The following ATP10A variants were observed in gnomAD, a reference collection of about 807,000 sequenced individuals.
ATP10A encodes phospholipid-transporting ATPase VA.
Under a neutral mutation model 147.8 loss-of-function variants are expected in ATP10A, and 111 were observed. The observed-to-expected ratio is 0.75, with a 90% CI of 0.64 to 0.88. The LOEUF is 0.88. Ranked by LOEUF, ATP10A falls within the 40% of genes least tolerant of loss-of-function variation. ATP10A has a pLI of 0.00. For missense variants in ATP10A, 1,927 were observed against 1,959.0 expected (o/e 0.98, Z 0.31); for synonymous variants, 875 against 841.6 (o/e 1.04, Z -0.69).
intron 3 of ATP10A, among the ~76,000 whole-genome samples, chr15:25,733,875 G>T (rs552120192): frequency 6.6e-6 from 1 of 152,238 alleles, no homozygotes; most frequent in Non-Finnish European, 1.5e-5. Flanking sequence ...GCAACATGCC[G>T]GTGAGGACAC....
At chr15:25,861,940 A>C (rs1255078451) in intron 1 of ATP10A, 2 of 242,506 alleles carry the variant, frequency 8.2e-6, no homozygotes, top group Non-Finnish European at 1.7e-5. Flanking sequence ...GGGAGGGAAA[A>C]AGAGCAGGAG....
Position 25,854,157 on chromosome 15 carries a change from G to T in ATP10A, c.449+8491C>A, listed in dbSNP as rs554787950. Among the ~76,000 whole-genome samples, 10 of 152,292 alleles carry T rather than the reference G, an allele frequency of 6.6e-5. No individual in the cohort carries two copies. In the South Asian group the frequency reaches 2.1e-3, roughly 32 times the overall value. ...TGGGCCAGCCAAAATAGATGAGCCT[G>T]GAACAGCCCATGTAGTCAGAGAGTA... is the stretch of plus-strand genomic sequence containing the variant. On this transcript the variant is annotated intron_variant, in intron 1 of 20. Coordinates refer to ENST00000555815, the MANE Select transcript of ATP10A (RefSeq NM_024490.4).
intron 1 of ATP10A, among the ~76,000 whole-genome samples, chr15:25,829,526 A>G (rs947102764): frequency 2.6e-5 from 4 of 152,214 alleles, no homozygotes; most frequent in Non-Finnish European, 5.9e-5. Flanking sequence ...CTTGCTCCCA[A>G]GAGTTAACAT....
At chr15:25,843,838 C>T (rs962492456) in intron 1 of ATP10A, among the ~76,000 whole-genome samples, 6 of 152,148 alleles carry the variant, frequency 3.9e-5, no homozygotes, top group East Asian at 1.9e-4. Flanking sequence ...ATGCACTTTC[C>T]GGTTAACACA....
intron 2 of ATP10A, among the ~76,000 whole-genome samples, chr15:25,742,509 C>T (rs1490237665): frequency 1.3e-5 from 2 of 152,354 alleles, no homozygotes; most frequent in East Asian, 3.9e-4. Context: ...TGTCCCCTTG[C>T]CTCCTGACTG....
intron 1 of ATP10A, among the ~76,000 whole-genome samples, chr15:25,788,258 T>A (rs2140734771): frequency 6.6e-6 from 1 of 152,322 alleles, no homozygotes; most frequent in Non-Finnish European, 1.5e-5. Flanking sequence ...ACTACTTTCA[T>A]TTAGGGTCAC....
intron 6 of ATP10A, among the ~76,000 whole-genome samples, chr15:25,722,766 G>A (rs1344062759): frequency 6.6e-6 from 1 of 152,186 alleles, no homozygotes; most frequent in Non-Finnish European, 1.5e-5. Flanking sequence ...GGCAAAGGCT[G>A]AGCCAATGTC....
chr15:25,710,332 T>G (rs1201341615), intron 10 of ATP10A: 1 of 152,460 alleles, frequency 6.6e-6, no homozygotes, highest in African/African-American at 2.4e-5. Flanking sequence ...TGCAGGACGC[T>G]GAGGCTGCAT....
At chr15:25,837,135 T>C (rs1229267504) in intron 1 of ATP10A, among the ~76,000 whole-genome samples, 4 of 152,164 alleles carry the variant, frequency 2.6e-5, no homozygotes, top group Non-Finnish European at 4.4e-5. Context: ...ATTTCCGGTA[T>C]ATAATACAAG....
chr15:25,740,401 G>A (rs1045950886), intron 2 of ATP10A, among the ~76,000 whole-genome samples: 2 of 152,208 alleles, frequency 1.3e-5, no homozygotes, highest in Admixed American at 1.3e-4. Flanking sequence ...CTGTGAGTGA[G>A]GCCACCTGTC....
intron 1 of ATP10A, among the ~76,000 whole-genome samples, chr15:25,840,241 A>T (rs1270440120): frequency 1.3e-5 from 2 of 152,140 alleles, no homozygotes; most frequent in Non-Finnish European, 2.9e-5. Flanking sequence ...AAGGTTTGTT[A>T]CATTGGTAAA....
chr15:25,802,765 A>G (rs1890997598), intron 1 of ATP10A, among the ~76,000 whole-genome samples: 1 of 152,124 alleles, frequency 6.6e-6, no homozygotes, highest in African/African-American at 2.4e-5. Context: ...TTCCACCTTA[A>G]GGACCTTGTG....
At chr15:25,834,940 C>T (rs957553027) in intron 1 of ATP10A, among the ~76,000 whole-genome samples, 29 of 152,214 alleles carry the variant, frequency 1.9e-4, no homozygotes, top group African/African-American at 6.7e-4. Context: ...GAGGTGACAG[C>T]TAAGGAATAT....
At chr15:25,816,967 A>C (rs970261772) in intron 1 of ATP10A, among the ~76,000 whole-genome samples, 3 of 129,716 alleles carry the variant, frequency 2.3e-5, no homozygotes, top group Non-Finnish European at 4.8e-5. Flanking sequence ...AAAATTTGTT[A>C]ATGTGTAGGA....
At chr15:25,817,526 C>T (rs1283318266) in intron 1 of ATP10A, among the ~76,000 whole-genome samples, 1 of 152,174 alleles carries the variant, frequency 6.6e-6, no homozygotes, top group African/African-American at 2.4e-5. Context: ...AATACAACTT[C>T]ACTTAGCATA....
chr15:25,838,700 C>T (rs565559429), intron 1 of ATP10A, among the ~76,000 whole-genome samples: 19 of 152,190 alleles, frequency 1.2e-4, no homozygotes, highest in Non-Finnish European at 2.8e-4. Context: ...TTAAGAGAAG[C>T]AGCCCTTTGA....
chr15:25,786,774 C>G (rs1369838745), intron 1 of ATP10A, among the ~76,000 whole-genome samples: 3 of 149,490 alleles, frequency 2.0e-5, no homozygotes, highest in Non-Finnish European at 4.4e-5. Flanking sequence ...TACAGGCGCC[C>G]ACCACCATGC....
intron 1 of ATP10A, among the ~76,000 whole-genome samples, chr15:25,810,070 T>G (rs1891362382): frequency 6.6e-6 from 1 of 151,002 alleles, no homozygotes; most frequent in African/African-American, 2.4e-5. Context: ...CACATTAGGC[T>G]CATCACCTAG....
intron 6 of ATP10A, among the ~76,000 whole-genome samples, chr15:25,722,903 G>A (rs113837515): frequency 3.9e-4 from 59 of 152,264 alleles, no homozygotes; most frequent in South Asian, 2.5e-3. Context: ...TTGACTGGGA[G>A]GTGTCAGGGA....
Sources: gnomAD v4.1 joint callset for allele counts (sites outside exome capture counted in the v4.1 genomes callset) on GRCh38, gnomAD v4.1.1 for gene constraint, MANE v1.5 for transcripts, NCBI Gene and HGNC (gene_info 2026-07-23, HGNC 2026-07-21) for gene names.